The following SMC1A variants were observed in gnomAD, a reference collection of about 807,000 sequenced individuals.
SMC1A encodes the protein structural maintenance of chromosomes protein 1A.
Under a neutral mutation model 94.5 loss-of-function variants are expected in SMC1A, and 4 were observed. The ratio of observed to expected loss-of-function variants is 0.04; its 90% CI spans 0.02 to 0.10. SMC1A has a LOEUF of 0.10. SMC1A is among the 10% of genes least tolerant of loss of function. SMC1A has a pLI of 1.00. For missense variants in SMC1A, 304 were observed against 989.0 expected (o/e 0.31, Z 9.29); for synonymous variants, 345 against 347.7 (o/e 0.99, Z 0.09).
rs781879688 is a variant in SMC1A, at chrX:53,415,622, GT to G, written c.110-454del. ...GCGGAGGTTGCAGTGAGCCGAGATC[GT>G]GCCACTGCACTCTAGCCTGGGCGAC... On this transcript the variant is annotated intron_variant, in intron 1 of 24. Coordinates refer to ENST00000322213, the MANE Select transcript of SMC1A (RefSeq NM_006306.4). Among the ~76,000 whole-genome samples the G allele has an allele frequency of 2.0e-3, 209 of 105,979 alleles. 4 individuals carry two copies. The East Asian group carries it at 0.043, about 22-fold the overall frequency. The allele number at this position is 105,979 out of a possible 115,157, so 92.0% of individuals were successfully genotyped here.
intron 19 of SMC1A, among the ~76,000 whole-genome samples, chrX:53,392,267 C>T (rs1556887366): frequency 9.2e-6 from 1 of 108,160 alleles, no homozygotes; most frequent in African/African-American, 3.4e-5. Context: ...TGGCAGGTGC[C>T]CATAGTCCCA....
chrX:53,385,333 C>T (rs189579137), intron 19 of SMC1A, among the ~76,000 whole-genome samples: 1,402 of 101,636 alleles, frequency 0.014, 37 homozygotes, highest in African/African-American at 0.047. Flanking sequence ...TGCAGTGGCG[C>T]GCTCTAGGCT....
chrX:53,379,782 C>T lies in SMC1A; in HGVS notation c.*321G>A, dbSNP rs2146580753. 2 of 376,092 alleles carry T rather than the reference C, an allele frequency of 5.3e-6. No homozygotes were observed. Among genetic ancestry groups the T allele is most frequent in the East Asian group, 8.9e-5 (2 of 22,475 alleles). 31.0% of individuals were successfully genotyped at this position (376,092 alleles called of 1,213,427 possible). A position where few individuals can be genotyped will look rare whatever the true frequency, so the allele number is the denominator to read the frequency against. On this transcript the variant is annotated 3_prime_UTR_variant, in exon 25 of 25. Coordinates refer to ENST00000322213, the MANE Select transcript of SMC1A (RefSeq NM_006306.4). ...ATACATACATACACACATACATACCCACACACACAGTGGGCAAGAGGCCCA... is the reference window on the plus strand; with the variant it reads ...ATACATACATACACACATACATACCTACACACACAGTGGGCAAGAGGCCCA...
intron 15 of SMC1A, among the ~76,000 whole-genome samples, chrX:53,400,268 G>A (rs1177237788): frequency 9.0e-6 from 1 of 111,114 alleles, no homozygotes; most frequent in Non-Finnish European, 1.9e-5. Context: ...ACCAAAACCC[G>A]GGCTCTTTCT....
At chrX:53,398,502 A>T (rs1375682314) in intron 16 of SMC1A, among the ~76,000 whole-genome samples, 2 of 111,659 alleles carry the variant, frequency 1.8e-5, no homozygotes, top group African/African-American at 6.5e-5. Flanking sequence ...TTTCAGCAAA[A>T]CATCATCATT....
At chrX:53,411,620 A>G in intron 7 of SMC1A, 141 bp downstream of exon 7, 2 of 711,576 alleles carry the variant, frequency 2.8e-6, no homozygotes, top group Admixed American at 5.5e-5. Context: ...AAAGACTATC[A>G]TTACAGGTTG....
rs782741430 is a variant in SMC1A at position 53,396,624 on chromosome X, C to T, written c.2563-7G>A. The T allele has an allele frequency of 7.5e-6, 9 of 1,205,970 alleles. No homozygotes were observed. In the East Asian group the frequency reaches 2.7e-4, roughly 36 times the overall value. On this transcript the variant is annotated splice_region_variant and splice_polypyrimidine_tract_variant and intron_variant, in intron 16 of 24. Coordinates refer to ENST00000322213, the MANE Select transcript of SMC1A (RefSeq NM_006306.4). Reference sequence around the variant, plus strand: ...TCATGTGTCTTTGTTCCTCCTGGTCCCAGCAGTGGGAACAGGACAATAGGT... The same window carrying T: ...TCATGTGTCTTTGTTCCTCCTGGTCTCAGCAGTGGGAACAGGACAATAGGT...
At position 53,409,401 on chromosome X, in the gene SMC1A, A is replaced by C; in HGVS notation, c.1337+20T>G. The C allele has an allele frequency of 8.5e-7, 1 of 1,178,502 alleles. No individual in the cohort carries two copies. Among genetic ancestry groups the C allele is most frequent in the African/African-American group, 1.8e-5 (1 of 57,110 alleles). On this transcript the variant is annotated intron_variant, in intron 8 of 24. Coordinates refer to ENST00000322213, the MANE Select transcript of SMC1A (RefSeq NM_006306.4). The stretch of plus-strand genomic sequence containing the variant: ...AAGAACAGGCCTGGAAGTAAGGGGG[A>C]CAGATGCAGAGCTACATACTTGCTA...
chrX:53,418,278 G>A (rs1266500709), intron 1 of SMC1A, among the ~76,000 whole-genome samples: 1 of 112,367 alleles, frequency 8.9e-6, no homozygotes, highest in African/African-American at 3.2e-5. Flanking sequence ...GGGACGACAA[G>A]CGTGTGCCAC....
At position 53,390,893 on chromosome X, in the gene SMC1A, G is replaced by A; in HGVS notation, c.2973+3885C>T. Among the ~76,000 whole-genome samples, 3 of 92,743 alleles carry A rather than the reference G, an allele frequency of 3.2e-5. No individual in the cohort carries two copies. In the East Asian group the frequency reaches 1.2e-3, roughly 36 times the overall value. 80.5% of individuals were successfully genotyped at this position (92,743 alleles called of 115,157 possible). A position where few individuals can be genotyped will look rare whatever the true frequency, so the allele number is the denominator to read the frequency against. On this transcript the variant is annotated intron_variant, in intron 19 of 24. Transcript: ENST00000322213. Reference sequence around the variant, plus strand: ...TGTAGTCCCAGCTACTTGGGAGCTTGAGGCAGGAGAATGACGTGAACCCGG... The same window carrying A: ...TGTAGTCCCAGCTACTTGGGAGCTTAAGGCAGGAGAATGACGTGAACCCGG...
chrX:53,398,286 T>G (rs374148177), intron 16 of SMC1A, among the ~76,000 whole-genome samples: 1 of 107,068 alleles, frequency 9.3e-6, no homozygotes, highest in African/African-American at 3.4e-5. Context: ...TAGGCAGACA[T>G]AAGTCAAACA....
chrX:53,394,731 T>TACCCC, intron 19 of SMC1A, 47 bp downstream of exon 19: 9 of 416,194 alleles, frequency 2.2e-5, no homozygotes, highest in Non-Finnish European at 3.1e-5. Context: ...ATAGTCCCAC[T>TACCCC]CCCACCCAAC....
intron 16 of SMC1A, among the ~76,000 whole-genome samples, chrX:53,399,260 G>A (rs1255744449): frequency 9.0e-6 from 1 of 111,530 alleles, no homozygotes; most frequent in Non-Finnish European, 1.9e-5. Context: ...AAAGAATACT[G>A]GTCTCCTATA....
rs782761556 is a variant in SMC1A at position 53,405,138 on chromosome X, C to T, written c.2070G>A (p.Lys690=). The T allele has an allele frequency of 8.3e-7, 1 of 1,211,711 alleles. No homozygotes were observed. Among genetic ancestry groups the T allele is most frequent in the Non-Finnish European group, 1.1e-6 (1 of 895,404 alleles). ...GCAGCTCTGCCTCTTTCCGTTTTGC[C>T]TTCATCTGCTCCTGAAGGGAACAAG... ...RLTEELKEQM[K]AKRKEAELRQ... is the part of the protein sequence containing the mutation. Residue 690 remains lysine, a synonymous_variant, in exon 13 of 25, where the codon AAG becomes AAA. Coordinates refer to ENST00000322213, the MANE Select transcript of SMC1A (RefSeq NM_006306.4).
Position 53,380,087 on chromosome X carries a change from G to A in SMC1A, c.*16C>T, listed in dbSNP as rs782000944. The A allele has an allele frequency of 2.6e-6, 3 of 1,163,991 alleles. No homozygotes were observed. Among genetic ancestry groups the A allele is most frequent in the Non-Finnish European group, 3.5e-6 (3 of 852,987 alleles). ...CAGCTTAGGGATCCAGACAGGGCGG[G>A]AGGGCAAAAATACTGCTACTGCTCA... On this transcript the variant is annotated 3_prime_UTR_variant, in exon 25 of 25. Coordinates refer to ENST00000322213, the MANE Select transcript of SMC1A (RefSeq NM_006306.4).
In SMC1A at chrX:53,394,715, AG is replaced by A. The variant is rs1377171154; in HGVS notation, c.2973+62del. 26 of 692,716 alleles carry A rather than the reference AG, an allele frequency of 3.8e-5. No homozygotes were observed. In the African/African-American group the frequency reaches 5.4e-4, roughly 14 times the overall value. The allele number at this position is 692,716 out of a possible 1,213,427, so 57.1% of individuals were successfully genotyped here. On this transcript the variant is annotated intron_variant, in intron 19 of 24. Coordinates refer to ENST00000322213, the MANE Select transcript of SMC1A (RefSeq NM_006306.4). ...GGGCTGACCTCCTCTCTGGACAACT[AG>A]GAAGATAGTCCCACTCCCACCCAAC... is the stretch of plus-strand genomic sequence containing the variant.
Position 53,422,536 on chromosome X carries a change from C to A in SMC1A, c.65G>T (p.Gly22Val). Residue 22 changes from glycine to valine, a missense_variant, in exon 1 of 25, where the codon GGA (glycine) becomes GTA (valine). Physicochemically the swap from Gly to Val is moderately radical, Grantham distance 109. Transcript: ENST00000322213. ...FKSYKGRQII[G>V]PFQRFTAIIG... ...GATGGCGGTGAACCTCTGAAATGGT[C>A]CGATAATCTGTCGACCCTTGTACGA... 8.3e-7 allele frequency: 1 copy of A among 1,207,449 alleles called. No individual in the cohort carries two copies.
intron 15 of SMC1A, among the ~76,000 whole-genome samples, chrX:53,400,898 T>C (rs1313297710): frequency 9.0e-6 from 1 of 111,361 alleles, no homozygotes; most frequent in African/African-American, 3.3e-5. Context: ...TTATATCCAA[T>C]CTCCTAAGTA....
intron 19 of SMC1A, among the ~76,000 whole-genome samples, chrX:53,391,669 G>A (rs782736777): frequency 1.8e-5 from 2 of 111,117 alleles, no homozygotes; most frequent in South Asian, 7.5e-4. Context: ...TGGGACTACA[G>A]GTACATGCCA....
Sources: allele counts gnomAD v4.1 joint callset (sites outside exome capture counted in the v4.1 genomes callset), GRCh38; gene constraint gnomAD v4.1.1; transcripts MANE v1.5; gene names NCBI Gene and HGNC (gene_info 2026-07-23, HGNC 2026-07-21).